Variants in GCH1 observed in about 807,000 individuals in gnomAD.
GCH1 encodes the protein GTP cyclohydrolase 1, also known as GTP cyclohydrolase I.
A neutral mutation model predicts 25.9 loss-of-function variants in GCH1; 5 were observed. The ratio of observed to expected loss-of-function variants is 0.19; its 90% CI spans 0.10 to 0.41. GCH1 has a LOEUF of 0.41. GCH1 is among the 10% of genes least tolerant of loss of function. The probability of loss-of-function intolerance (pLI) is 1.00; values close to 1 mark genes in which losing one functional copy is unlikely to be tolerated. For synonymous variants in GCH1, 159 were observed against 129.6 expected (o/e 1.23, Z -1.54); for missense variants, 261 against 336.5 (o/e 0.78, Z 1.75).
At chr14:54,850,697 C>A (rs1349768418) in intron 3 of GCH1, among the ~76,000 whole-genome samples, 2 of 152,092 alleles carry the variant, frequency 1.3e-5, no homozygotes, top group South Asian at 2.1e-4. Flanking sequence ...TCTCATTGTT[C>A]AATTGTCACC....
rs569477196 is a variant in GCH1, at chr14:54,863,642, C to T, written c.453+1685G>A. 5.9e-5 allele frequency among the ~76,000 whole-genome samples: 9 copies of T among 151,334 alleles called. No individual in the cohort carries two copies. The South Asian group carries it at 8.4e-4, about 14-fold the overall frequency. Reference sequence around the variant, plus strand: ...TGACAGGCAATGACATCAATGAATCCGACTATGTAGAACAAGAGAGGCCAG... The same window carrying T: ...TGACAGGCAATGACATCAATGAATCTGACTATGTAGAACAAGAGAGGCCAG... On this transcript the variant is annotated intron_variant, in intron 2 of 5. Coordinates refer to ENST00000491895, the MANE Select transcript of GCH1 (RefSeq NM_000161.3).
At chr14:54,893,013 A>G (rs2040443031) in intron 1 of GCH1, among the ~76,000 whole-genome samples, 1 of 152,170 alleles carries the variant, frequency 6.6e-6, no homozygotes, top group African/African-American at 2.4e-5. Context: ...TGGGCGGCAG[A>G]GGTTTCAGTG....
At chr14:54,854,786 A>G (rs1004750993) in intron 3 of GCH1, among the ~76,000 whole-genome samples, 15 of 152,234 alleles carry the variant, frequency 9.9e-5, no homozygotes, top group Non-Finnish European at 2.1e-4. Flanking sequence ...ATTAAAATAG[A>G]TACTATTTTT....
At chr14:54,878,513 C>T (rs2040195914) in intron 1 of GCH1, among the ~76,000 whole-genome samples, 1 of 152,048 alleles carries the variant, frequency 6.6e-6, no homozygotes, top group Admixed American at 6.6e-5. Flanking sequence ...TGGTCCAGAC[C>T]CTCATAGTTC....
intron 3 of GCH1, among the ~76,000 whole-genome samples, chr14:54,853,633 A>G (rs149266770): frequency 1.2e-4 from 18 of 152,332 alleles, no homozygotes; most frequent in South Asian, 2.1e-4. Context: ...CCATTCTTAC[A>G]TTCTTGGACT....
chr14:54,859,798 A>AT, intron 2 of GCH1, 62 bp from the exon 3 acceptor site: 1 of 851,738 alleles, frequency 1.2e-6, no homozygotes, highest in Non-Finnish European at 2.1e-6. Context: ...TTGTGACAAA[A>AT]TAAGGAAATA....
rs139098396 is a variant in GCH1, at chr14:54,876,542, C to G, written c.344-11106G>C. Among the ~76,000 whole-genome samples, 219 of 151,984 alleles carry G rather than the reference C, an allele frequency of 1.4e-3. 1 individual carries two copies. The highest frequency in any genetic ancestry group is 5.0e-3 in the African/African-American group (207 of 41,436). ...TGCATGGTGATATGTGCCTATAGTC[C>G]TAGCTATTCAGGCGGCTGAAGCAGG... is the stretch of plus-strand genomic sequence containing the variant. On this transcript the variant is annotated intron_variant, in intron 1 of 5. Transcript: ENST00000491895.
At chr14:54,849,441 C>T (rs1404090942) in intron 3 of GCH1, among the ~76,000 whole-genome samples, 1 of 152,098 alleles carries the variant, frequency 6.6e-6, no homozygotes, top group African/African-American at 2.4e-5. Flanking sequence ...TCTATCTTGC[C>T]CTTCAGTATT....
chr14:54,859,511 G>A lies in GCH1; in HGVS notation c.509+170C>T, dbSNP rs568410340. On this transcript the variant is annotated intron_variant, in intron 3 of 5. Coordinates refer to ENST00000491895, the MANE Select transcript of GCH1 (RefSeq NM_000161.3). ...GAAGAGGAAGCAGGCAGTAGGGGAC[G>A]AGAAGGAAGGGGCATCTGTGTTTCA... is the stretch of plus-strand genomic sequence containing the variant. 1.4e-4 allele frequency among the ~76,000 whole-genome samples: 22 copies of A among 152,298 alleles called. 1 individual carries two copies. In the East Asian group the frequency reaches 3.7e-3, roughly 25 times the overall value.
At chr14:54,889,905 C>CA in intron 1 of GCH1, among the ~76,000 whole-genome samples, 1 of 152,072 alleles carries the variant, frequency 6.6e-6, no homozygotes, top group East Asian at 1.9e-4. Flanking sequence ...AAAAAAATGC[C>CA]AAAAAATGTA....
At chr14:54,847,278 T>G in intron 3 of GCH1, 148 bp from the exon 4 acceptor site, 1 of 510,080 alleles carries the variant, frequency 2.0e-6, no homozygotes, top group Non-Finnish European at 3.6e-6. Context: ...AAGATACAAG[T>G]ACCACAGGGA....
intron 2 of GCH1, among the ~76,000 whole-genome samples, chr14:54,861,022 C>T (rs2140066045): frequency 6.6e-6 from 1 of 152,302 alleles, no homozygotes; most frequent in South Asian, 2.1e-4. Flanking sequence ...ATACGAAAAA[C>T]ATTAGTTCTC....
rs2040583785 is a variant in GCH1, at chr14:54,902,499, G to A, written c.165C>T (p.Gly55=). Residue 55 remains glycine (G), a synonymous_variant, in exon 1 of 6, where the codon GGC becomes GGT. Coordinates refer to ENST00000491895, the MANE Select transcript of GCH1 (RefSeq NM_000161.3). ...TATCCTCCTCGCTGCGGGGCCGCTC[G>A]CCCTTCCAGCCGTCCGCGGGCTGCG... The part of the protein sequence containing the change: ...KSAQPADGWK[G]ERPRSEEDNE... 4.4e-6 allele frequency: 7 copies of A among 1,605,124 alleles called. No individual in the cohort carries two copies. Among genetic ancestry groups the A allele is most frequent in the Non-Finnish European group, 5.9e-6 (7 of 1,176,792 alleles).
rs1337077187 is a variant in GCH1 at position 54,843,875 on chromosome 14, A to G, written c.*142T>C. ...TATTATATTTATTTGACTTCCTAGA[A>G]ATAATTTTAAATATAATTAGTGACA... is the stretch of plus-strand genomic sequence containing the variant. On this transcript the variant is annotated 3_prime_UTR_variant, in exon 6 of 6. Coordinates refer to ENST00000491895, the MANE Select transcript of GCH1 (RefSeq NM_000161.3). 6.2e-7 allele frequency: 1 copy of G among 1,607,142 alleles called. No individual in the cohort carries two copies. The highest frequency in any genetic ancestry group is 1.7e-5 in the Admixed American group (1 of 59,852).
rs943577282 is a variant in GCH1 at position 54,877,884 on chromosome 14, C to T, written c.344-12448G>A. On this transcript the variant is annotated intron_variant, in intron 1 of 5. Coordinates refer to ENST00000491895, the MANE Select transcript of GCH1 (RefSeq NM_000161.3). The stretch of plus-strand genomic sequence containing the variant: ...AGACACAAATCTCTAGGCCCCACCC[C>T]TAGGGCTTCTGTTTCAGGTGATCTG... Among the ~76,000 whole-genome samples, 8 of 152,266 alleles carry T rather than the reference C, an allele frequency of 5.3e-5. No individual in the cohort carries two copies. The East Asian group carries it at 1.4e-3, about 26-fold the overall frequency.
chr14:54,845,206 G>A (rs1007085324), intron 5 of GCH1, among the ~76,000 whole-genome samples: 3 of 151,872 alleles, frequency 2.0e-5, no homozygotes, highest in Non-Finnish European at 2.9e-5. Context: ...TGAGCTGGGC[G>A]CAGGGGCTCA....
At chr14:54,856,131 CCT>C (rs1452589811) in intron 3 of GCH1, among the ~76,000 whole-genome samples, 1 of 152,178 alleles carries the variant, frequency 6.6e-6, no homozygotes, top group Non-Finnish European at 1.5e-5. Context: ...TTGCTCCTAC[CCT>C]CTGACTGGTC....
In GCH1 at chr14:54,842,228, A is replaced by G. The variant is rs1201006786; in HGVS notation, c.*1789T>C. 2 of 152,648 alleles carry G rather than the reference A, an allele frequency of 1.3e-5. No homozygotes were observed. The highest frequency in any genetic ancestry group is 2.9e-5 in the Non-Finnish European group (2 of 68,034). 9.5% of individuals were successfully genotyped at this position (152,648 alleles called of 1,614,324 possible). On this transcript the variant is annotated 3_prime_UTR_variant, in exon 6 of 6. Coordinates refer to ENST00000491895, the MANE Select transcript of GCH1 (RefSeq NM_000161.3). ...CAGACAAAGTCATTACTTTGCATTT[A>G]CTAATAAGACAACAGCCTGTGGATA...
chr14:54,883,046 G>C (rs1362306011), intron 1 of GCH1, among the ~76,000 whole-genome samples: 1 of 152,148 alleles, frequency 6.6e-6, no homozygotes, highest in Non-Finnish European at 1.5e-5. Context: ...GAGCACACAG[G>C]CTTGAGAGCT....
Sources: gnomAD v4.1 joint callset for allele counts (sites outside exome capture counted in the v4.1 genomes callset) on GRCh38, gnomAD v4.1.1 for gene constraint, MANE v1.5 for transcripts, NCBI Gene and HGNC (gene_info 2026-07-23, HGNC 2026-07-21) for gene names.